The following SGCZ variants were observed in gnomAD, a reference collection of about 807,000 sequenced individuals.
The protein encoded by SGCZ is zeta-sarcoglycan.
SGCZ carries 40 observed loss-of-function variants against 41.3 expected under a neutral mutation model. That is an observed-to-expected ratio of 0.97 (90% CI 0.75 to 1.26). The LOEUF is 1.26. Ranked by LOEUF, SGCZ falls within the 50% of genes most tolerant of loss-of-function variation. The pLI, the probability that SGCZ is intolerant of heterozygous loss-of-function variation, is 0.00. For missense variants in SGCZ, 552 were observed against 369.8 expected, an observed-to-expected ratio of 1.49 and a Z score of -4.04; for synonymous variants, 206 against 137.5, an observed-to-expected ratio of 1.50 and a Z score of -3.49.
At chr8:14,508,310 T>C (rs185352458) in intron 2 of SGCZ, among the ~76,000 whole-genome samples, 1 of 152,266 alleles carries the variant, frequency 6.6e-6, no homozygotes, top group East Asian at 1.9e-4. Context: ...GACCCCAAAA[T>C]ACATTTGTTG....
chr8:14,998,531 C>CA (rs34947545), intron 1 of SGCZ, among the ~76,000 whole-genome samples: 54,725 of 151,928 alleles, frequency 0.36, 10,102 homozygotes, highest in South Asian at 0.38. Flanking sequence ...TTAACTTTTT[C>CA]TTAAGAATCA....
chr8:14,766,589 T>A (rs1800042332), intron 1 of SGCZ, among the ~76,000 whole-genome samples: 1 of 151,928 alleles, frequency 6.6e-6, no homozygotes. Flanking sequence ...TTAGACAGTG[T>A]TTCATTCTGT....
chr8:14,338,120 A>T (rs73664308), intron 2 of SGCZ, among the ~76,000 whole-genome samples: 1 of 152,158 alleles, frequency 6.6e-6, no homozygotes, highest in Non-Finnish European at 1.5e-5. Context: ...TCCTTGCCCA[A>T]GTTTGATCAG....
chr8:14,103,974 C>T (rs969602993), intron 6 of SGCZ, among the ~76,000 whole-genome samples: 2 of 152,146 alleles, frequency 1.3e-5, no homozygotes, highest in Admixed American at 6.6e-5. Flanking sequence ...TACGCAGACT[C>T]TTAGCAACAC....
At chr8:15,011,174 T>C (rs1219849343) in intron 1 of SGCZ, among the ~76,000 whole-genome samples, 1 of 152,208 alleles carries the variant, frequency 6.6e-6, no homozygotes, top group Non-Finnish European at 1.5e-5. Context: ...CTTAAATGTT[T>C]AGAAAATTAT....
At chr8:15,004,548 T>G (rs1051932964) in intron 1 of SGCZ, among the ~76,000 whole-genome samples, 1 of 152,192 alleles carries the variant, frequency 6.6e-6, no homozygotes, top group Non-Finnish European at 1.5e-5. Context: ...GCAGAACTCC[T>G]GGGTTGCAGT....
chr8:14,408,764 C>A (rs1799277966), intron 2 of SGCZ, among the ~76,000 whole-genome samples: 1 of 152,042 alleles, frequency 6.6e-6, no homozygotes, highest in African/African-American at 2.4e-5. Context: ...TTCTAAATCC[C>A]TACATAGAAT....
chr8:15,084,421 G>T (rs1805873626), intron 1 of SGCZ, among the ~76,000 whole-genome samples: 1 of 152,108 alleles, frequency 6.6e-6, no homozygotes, highest in Admixed American at 6.6e-5. Context: ...GTTATTCAAA[G>T]TAATAAAGCT....
intron 2 of SGCZ, among the ~76,000 whole-genome samples, chr8:14,438,019 A>G (rs1277648348): frequency 1.3e-5 from 2 of 152,026 alleles, no homozygotes; most frequent in Non-Finnish European, 2.9e-5. Flanking sequence ...ATTTAGAATC[A>G]TTAAGCCATA....
intron 1 of SGCZ, among the ~76,000 whole-genome samples, chr8:14,896,556 A>G (rs1195224131): frequency 2.0e-5 from 3 of 152,040 alleles, no homozygotes; most frequent in Non-Finnish European, 4.4e-5. Flanking sequence ...GGCTCACTGC[A>G]AACTCCACCT....
intron 1 of SGCZ, among the ~76,000 whole-genome samples, chr8:15,164,361 C>T (rs982520404): frequency 6.6e-6 from 1 of 152,070 alleles, no homozygotes; most frequent in Non-Finnish European, 1.5e-5. Flanking sequence ...CTCCCAGCCG[C>T]TCCCCACTCC....
rs76481677 is a variant in SGCZ at position 14,640,367 on chromosome 8, T to A, written c.40-85441A>T. On this transcript the variant is annotated intron_variant, in intron 1 of 7. Transcript: ENST00000382080. ...GCACTTTGAAGATATCGTTATCCTGTCTTCTAGTTCCCATTCCCATTATTG... is the reference window on the plus strand; with the variant it reads ...GCACTTTGAAGATATCGTTATCCTGACTTCTAGTTCCCATTCCCATTATTG... Among the ~76,000 whole-genome samples the A allele has an allele frequency of 4.7e-3, 712 of 151,842 alleles. 8 individuals are homozygous for A. The highest frequency in any genetic ancestry group is 0.016 in the African/African-American group (682 of 41,498).
At chr8:14,823,231 G>C (rs953752478) in intron 1 of SGCZ, among the ~76,000 whole-genome samples, 11 of 151,684 alleles carry the variant, frequency 7.3e-5, no homozygotes, top group Non-Finnish European at 1.5e-4. Flanking sequence ...TATACAAACA[G>C]AATTACATCA....
chr8:14,647,047 G>C (rs1807245121), intron 1 of SGCZ, among the ~76,000 whole-genome samples: 1 of 151,978 alleles, frequency 6.6e-6, no homozygotes, highest in Non-Finnish European at 1.5e-5. Context: ...ATATGGAAAT[G>C]AGGAGACAAA....
chr8:14,923,063 TG>T (rs1742433148), intron 1 of SGCZ, among the ~76,000 whole-genome samples: 1 of 152,224 alleles, frequency 6.6e-6, no homozygotes, highest in Non-Finnish European at 1.5e-5. Context: ...GGCAATTACA[TG>T]TGTTTTCCTA....
intron 2 of SGCZ, among the ~76,000 whole-genome samples, chr8:14,377,894 G>A (rs1433621572): frequency 6.6e-6 from 1 of 151,406 alleles, no homozygotes; most frequent in East Asian, 1.9e-4. Flanking sequence ...ATTCCATGGT[G>A]TATATGTGCC....
chr8:14,312,191 T>C (rs1801569281), intron 3 of SGCZ, among the ~76,000 whole-genome samples: 1 of 152,164 alleles, frequency 6.6e-6, no homozygotes, highest in Non-Finnish European at 1.5e-5. Flanking sequence ...TTGGCTAGAA[T>C]AGATTTGAAA....
intron 1 of SGCZ, among the ~76,000 whole-genome samples, chr8:14,731,161 T>A (rs1585215806): frequency 6.6e-6 from 1 of 151,610 alleles, no homozygotes; most frequent in African/African-American, 2.4e-5. Context: ...ACAGACTGGA[T>A]AAAGAAAATG....
At chr8:14,230,701 T>G (rs569109820) in intron 4 of SGCZ, among the ~76,000 whole-genome samples, 1 of 151,972 alleles carries the variant, frequency 6.6e-6, no homozygotes, top group Admixed American at 6.6e-5. Context: ...TATTCCTACA[T>G]GTTTTAATAA....
Sources: allele counts gnomAD v4.1 joint callset (sites outside exome capture counted in the v4.1 genomes callset), GRCh38; gene constraint gnomAD v4.1.1; transcripts MANE v1.5; gene names NCBI Gene and HGNC (gene_info 2026-07-23, HGNC 2026-07-21).